KDM3B: variants seen among roughly 807,000 people sequenced by gnomAD.
KDM3B encodes the protein lysine-specific demethylase 3B.
In KDM3B, 10 loss-of-function variants were observed where a neutral mutation model predicts 170.0. That is an observed-to-expected ratio of 0.06 (90% CI 0.04 to 0.10). KDM3B has a LOEUF of 0.10. KDM3B is among the 10% of genes least tolerant of loss of function. The pLI is 1.00. For missense variants in KDM3B, 1,394 were observed against 2,195.2 expected (o/e 0.64, Z 7.29); for synonymous variants, 831 against 834.8 (o/e 1.00, Z 0.08).
Position 138,386,026 on chromosome 5 carries a change from G to T in KDM3B, c.785G>T (p.Gly262Val), listed in dbSNP as rs374821505. 10 of 1,596,680 alleles carry T rather than the reference G, an allele frequency of 6.3e-6. No individual in the cohort carries two copies. In the African/African-American group the frequency reaches 1.1e-4, roughly 17 times the overall value. Residue 262 changes from glycine to valine, a missense_variant, in exon 7 of 24, where the codon GGT becomes GTT. Transcript: ENST00000314358. ...MDNSAPQSEG[G>V]TLKAVKSSKG... ...TTTTTGAATTTTGTTTTGTAGGGGG[G>T]TACGTTAAAAGCAGTAAAATCTTCC...
At chr5:138,381,724 T>C (rs1762130759) in intron 6 of KDM3B, 134 bp downstream of exon 6, 2 of 613,606 alleles carry the variant, frequency 3.3e-6, no homozygotes, top group Non-Finnish European at 5.8e-6. Context: ...ATTTTTTTGC[T>C]CTCTCCACAG....
intron 11 of KDM3B, 72 bp downstream of exon 11, chr5:138,400,084 A>G (rs1202031779): frequency 5.7e-5 from 87 of 1,514,762 alleles, no homozygotes; most frequent in Non-Finnish European, 7.1e-5. Flanking sequence ...GGGATTTGAA[A>G]ATTGAGGCAG....
chr5:138,360,274 A>G (rs1209145228), intron 1 of KDM3B, among the ~76,000 whole-genome samples: 1 of 152,234 alleles, frequency 6.6e-6, no homozygotes, highest in Non-Finnish European at 1.5e-5. Context: ...CTTGATACTT[A>G]TGCTCTATTT....
chr5:138,415,303 A>G (rs1763074235), intron 12 of KDM3B, 64 bp downstream of exon 12: 27 of 1,039,424 alleles, frequency 2.6e-5, no homozygotes, highest in Middle Eastern at 4.2e-4. Flanking sequence ...GCCATACACC[A>G]TAAAATTTTT....
At position 138,387,391 on chromosome 5, in the gene KDM3B, T is replaced by C. The variant is rs568827947; in HGVS notation, c.1380+770T>C. 5.3e-5 allele frequency among the ~76,000 whole-genome samples: 8 copies of C among 152,152 alleles called. No homozygotes were observed. In the East Asian group the frequency reaches 1.2e-3, roughly 22 times the overall value. On this transcript the variant is annotated intron_variant, in intron 7 of 23. Coordinates refer to ENST00000314358, the MANE Select transcript of KDM3B (RefSeq NM_016604.4). ...AAACAGCTATTAACTCAAGCTAAAATATGAAATACAGAGATGAAATGCTTA... is the reference window on the plus strand; with the variant it reads ...AAACAGCTATTAACTCAAGCTAAAACATGAAATACAGAGATGAAATGCTTA...
chr5:138,400,768 T>C (rs1375107399), intron 11 of KDM3B, among the ~76,000 whole-genome samples: 1 of 149,440 alleles, frequency 6.7e-6, no homozygotes, highest in Non-Finnish European at 1.5e-5. Flanking sequence ...AAAGTAAATC[T>C]ACAAGGTTGT....
In KDM3B at chr5:138,392,071, C is replaced by T; in HGVS notation, c.2439C>T (p.Ser813=). 2 of 1,613,568 alleles carry T rather than the reference C, an allele frequency of 1.2e-6. No homozygotes were observed. Among genetic ancestry groups the T allele is most frequent in the Non-Finnish European group, 1.7e-6 (2 of 1,179,472 alleles). The change falls in exon 8 of 24, where the codon AGC becomes AGT. Residue 813 remains serine, a synonymous_variant. Coordinates refer to ENST00000314358, the MANE Select transcript of KDM3B (RefSeq NM_016604.4). ...CTTGCAGACAAGACTCGGACTCCAGCACCAACAGTGACCTGTCAGATTTGA... is the reference window on the plus strand; with the variant it reads ...CTTGCAGACAAGACTCGGACTCCAGTACCAACAGTGACCTGTCAGATTTGA... ...SLACRQDSDS[S]TNSDLSDLSD...
chr5:138,421,735 A>G (rs1422292723), intron 15 of KDM3B, among the ~76,000 whole-genome samples: 2 of 152,252 alleles, frequency 1.3e-5, no homozygotes, highest in African/African-American at 4.8e-5. Flanking sequence ...ATAATAAAAT[A>G]TAAGTCAGAT....
At chr5:138,417,376 G>A in intron 12 of KDM3B, 107 bp from the exon 13 acceptor site, 1 of 1,111,824 alleles carries the variant, frequency 9.0e-7, no homozygotes, top group East Asian at 2.6e-5. Flanking sequence ...CTACGTTATT[G>A]AAATGTGGTA....
intron 9 of KDM3B, among the ~76,000 whole-genome samples, chr5:138,396,695 G>A (rs533861015): frequency 4.6e-5 from 7 of 152,130 alleles, no homozygotes; most frequent in Non-Finnish European, 7.4e-5. Context: ...CGTGGTGGGA[G>A]CTTGTGGAGG....
intron 6 of KDM3B, among the ~76,000 whole-genome samples, chr5:138,384,768 G>T (rs200115792): frequency 6.8e-6 from 1 of 146,274 alleles, no homozygotes; most frequent in African/African-American, 2.5e-5. Context: ...AAAAAAATTA[G>T]CCGGATGTGG....
rs762643018 is a variant in KDM3B at position 138,430,002 on chromosome 5, A to G, written c.4893+37A>G. The G allele has an allele frequency of 1.9e-6, 3 of 1,607,836 alleles. No individual in the cohort carries two copies. In the Admixed American group the frequency reaches 5.0e-5, roughly 27 times the overall value. On this transcript the variant is annotated intron_variant, in intron 21 of 23. Coordinates refer to ENST00000314358, the MANE Select transcript of KDM3B (RefSeq NM_016604.4). ...GGTGGGCTGTGCTCCCAGCTCACAT[A>G]TCAAGAGTCTCGTTGCTGAGACACC... is the stretch of plus-strand genomic sequence containing the variant.
chr5:138,427,889 A>T (rs1234762768), intron 19 of KDM3B, 78 bp from the exon 20 acceptor site: 2 of 1,357,118 alleles, frequency 1.5e-6, no homozygotes, highest in Non-Finnish European at 2.1e-6. Flanking sequence ...ACCCTTGAGC[A>T]TGTTTTCAGA....
At chr5:138,377,045 A>G (rs976960446) in intron 3 of KDM3B, among the ~76,000 whole-genome samples, 1 of 152,166 alleles carries the variant, frequency 6.6e-6, no homozygotes, top group African/African-American at 2.4e-5. Flanking sequence ...GATGTTAATT[A>G]TGATTTCTTT....
chr5:138,407,129 G>A (rs1272674461), intron 11 of KDM3B, among the ~76,000 whole-genome samples: 1 of 151,920 alleles, frequency 6.6e-6, no homozygotes, highest in Non-Finnish European at 1.5e-5. Flanking sequence ...GGGATTATAG[G>A]TGTGTGCCAC....
intron 15 of KDM3B, among the ~76,000 whole-genome samples, chr5:138,422,965 A>G (rs938518333): frequency 6.6e-6 from 1 of 151,972 alleles, no homozygotes; most frequent in African/African-American, 2.4e-5. Context: ...TTTTTGAGAC[A>G]GTCTCACTCT....
rs1438436699 is a variant in KDM3B, at chr5:138,391,457, C to T, written c.1825C>T (p.Leu609Phe). The T allele has an allele frequency of 3.7e-6, 6 of 1,614,012 alleles. No homozygotes were observed. The East Asian group carries it at 1.3e-4, about 36-fold the overall frequency. The change falls in exon 8 of 24, where the codon CTC becomes TTC. Residue 609 changes from leucine to phenylalanine, a missense_variant. By Grantham distance (22) the Leu-to-Phe change is conservative. Transcript: ENST00000314358. This position sits in a 1 kb window ranked among gnomAD's most constrained non-coding sequence, Gnocchi z 5.0. ...CCTCACTCCAGCCTTCCCACGGAGC[C>T]TCCTAAATGCCCGTACCCCAGAGAA... The part of the protein sequence containing the change: ...PTLTPAFPRS[L>F]LNARTPENHE...
chr5:138,353,977 G>A (rs1031806843), intron 1 of KDM3B, among the ~76,000 whole-genome samples: 7 of 152,138 alleles, frequency 4.6e-5, no homozygotes, highest in Non-Finnish European at 8.8e-5. Flanking sequence ...TTGGGGCAGG[G>A]GGTGGTCTTT....
At chr5:138,372,863 G>A (rs1183895153) in intron 2 of KDM3B, 22 bp downstream of exon 2, 1 of 1,605,110 alleles carries the variant, frequency 6.2e-7, no homozygotes. Context: ...TTACTGGGTG[G>A]GAACATGTCT....
Sources: allele counts gnomAD v4.1 joint callset (sites outside exome capture counted in the v4.1 genomes callset), GRCh38; gene constraint gnomAD v4.1.1; non-coding constraint Gnocchi (gnomAD v3.1); transcripts MANE v1.5; gene names NCBI Gene and HGNC (gene_info 2026-07-23, HGNC 2026-07-21).